SH3RF3: variants seen among roughly 807,000 people sequenced by gnomAD.
SH3RF3 encodes E3 ubiquitin-protein ligase SH3RF3.
SH3RF3 carries 29 observed loss-of-function variants against 66.3 expected under a neutral mutation model. The ratio of observed to expected loss-of-function variants is 0.44; its 90% CI spans 0.33 to 0.60. The LOEUF is 0.60. SH3RF3 is among the 20% of genes least tolerant of loss of function. The probability of loss-of-function intolerance (pLI) is 0.04; values close to 1 mark genes in which losing one functional copy is unlikely to be tolerated. For missense variants in SH3RF3, 1,194 were observed against 1,190.9 expected (o/e 1.00, Z -0.04); for synonymous variants, 583 against 532.0 (o/e 1.10, Z -1.32).
intron 2 of SH3RF3, among the ~76,000 whole-genome samples, chr2:109,367,119 A>AT (rs150005222): frequency 0.028 from 3,160 of 113,268 alleles, 62 homozygotes; most frequent in Middle Eastern, 0.071. Flanking sequence ...TGCCCTGGTA[A>AT]TTTTTTTTTT....
chr2:109,502,201 C>A lies in SH3RF3; in HGVS notation c.*530C>A. Reference sequence around the variant, plus strand: ...GGTGTTTGTGAGGCCCTGGGGGTGCCCCGGAAGGGGCACCCCACCGCCCCT... The same window carrying A: ...GGTGTTTGTGAGGCCCTGGGGGTGCACCGGAAGGGGCACCCCACCGCCCCT... On this transcript the variant is annotated 3_prime_UTR_variant, in exon 10 of 10. Coordinates refer to ENST00000309415, the MANE Select transcript of SH3RF3 (RefSeq NM_001099289.3). The A allele has an allele frequency of 6.6e-6, 1 of 152,424 alleles. No homozygotes were observed. The highest frequency in any genetic ancestry group is 2.4e-5 in the African/African-American group (1 of 41,518). The allele number at this position is 152,424 out of a possible 1,614,324, so 9.4% of individuals were successfully genotyped here.
intron 1 of SH3RF3, among the ~76,000 whole-genome samples, chr2:109,185,763 T>C (rs1294481560): frequency 6.6e-6 from 1 of 152,234 alleles, no homozygotes; most frequent in East Asian, 1.9e-4. Context: ...TTTTATATTG[T>C]GATTTCAAAT....
intron 1 of SH3RF3, among the ~76,000 whole-genome samples, chr2:109,226,174 T>G: frequency 6.6e-6 from 1 of 152,172 alleles, no homozygotes; most frequent in East Asian, 1.9e-4. Context: ...GTTTCCCAGG[T>G]TTATGAACCC....
intron 1 of SH3RF3, among the ~76,000 whole-genome samples, chr2:109,144,238 T>G (rs942625816): frequency 6.6e-6 from 1 of 152,282 alleles, no homozygotes; most frequent in African/African-American, 2.4e-5. Flanking sequence ...GTGATAGATA[T>G]ATATTAACTG....
chr2:109,244,872 C>G (rs745874052), intron 1 of SH3RF3, among the ~76,000 whole-genome samples: 3 of 152,128 alleles, frequency 2.0e-5, no homozygotes, highest in Admixed American at 1.3e-4. Flanking sequence ...CCTGTGCCAT[C>G]GTCATATTCT....
intron 8 of SH3RF3, among the ~76,000 whole-genome samples, chr2:109,456,266 G>A (rs1163655572): frequency 6.6e-6 from 1 of 152,222 alleles, no homozygotes. Context: ...CGTGTGGCTG[G>A]GAGCACCGGC....
At chr2:109,301,335 C>T (rs547159417) in intron 1 of SH3RF3, among the ~76,000 whole-genome samples, 2 of 132,108 alleles carry the variant, frequency 1.5e-5, no homozygotes, top group Admixed American at 1.7e-4. Flanking sequence ...ATCTGTGTGA[C>T]GTGTGTGTGT....
intron 1 of SH3RF3, among the ~76,000 whole-genome samples, chr2:109,312,317 T>A (rs1681748774): frequency 6.6e-6 from 1 of 152,208 alleles, no homozygotes; most frequent in Non-Finnish European, 1.5e-5. Context: ...GTTGGCTTGC[T>A]CCTCTTTCTA....
chr2:109,491,758 T>C (rs1679136247), intron 9 of SH3RF3, among the ~76,000 whole-genome samples: 1 of 152,190 alleles, frequency 6.6e-6, no homozygotes, highest in Admixed American at 6.5e-5. Context: ...ACTGAGTGCC[T>C]ACACATTGTA....
At chr2:109,343,530 TCTC>T (rs1187577156) in intron 1 of SH3RF3, among the ~76,000 whole-genome samples, 1 of 151,940 alleles carries the variant, frequency 6.6e-6, no homozygotes, top group African/African-American at 2.4e-5. Context: ...CTTCCCCACT[TCTC>T]CTCCTGGCTC....
rs74893031 is a variant in SH3RF3, at chr2:109,140,297, C to T, written c.573+10184C>T. Among the ~76,000 whole-genome samples the T allele has an allele frequency of 3.9e-5, 6 of 152,250 alleles. No homozygotes were observed. In the East Asian group the frequency reaches 9.7e-4, roughly 24 times the overall value. ...TCCAGCCATGGACCTTCTCTTTTGCCGGTTCTTTGTGAATCATAAATCTAC... is the reference window on the plus strand; with the variant it reads ...TCCAGCCATGGACCTTCTCTTTTGCTGGTTCTTTGTGAATCATAAATCTAC... On this transcript the variant is annotated intron_variant, in intron 1 of 9. Coordinates refer to ENST00000309415, the MANE Select transcript of SH3RF3 (RefSeq NM_001099289.3).
intron 1 of SH3RF3, among the ~76,000 whole-genome samples, chr2:109,241,033 A>C (rs1249160909): frequency 1.3e-5 from 2 of 152,242 alleles, no homozygotes; most frequent in East Asian, 1.9e-4. Flanking sequence ...TCTATAGAGC[A>C]TCAGAAGAAT....
At chr2:109,131,204 C>G (rs1218431261) in intron 1 of SH3RF3, among the ~76,000 whole-genome samples, 1 of 151,964 alleles carries the variant, frequency 6.6e-6, no homozygotes, top group African/African-American at 2.4e-5. Context: ...GAACTTAAAC[C>G]CTTGGATGTT....
rs187845008 is a variant in SH3RF3 at position 109,310,255 on chromosome 2, G to A, written c.574-37419G>A. Among the ~76,000 whole-genome samples, 4 of 48,602 alleles carry A rather than the reference G, an allele frequency of 8.2e-5. 1 individual carries two copies. Among genetic ancestry groups the A allele is most frequent in the Middle Eastern group, 0.014 (2 of 148 alleles). The allele number at this position is 48,602 out of a possible 152,430, so 31.9% of individuals were successfully genotyped here. A position where few individuals can be genotyped will look rare whatever the true frequency, so the allele number is the denominator to read the frequency against. Reference sequence around the variant, plus strand: ...CCTGAATGACTACTGGGTACATAACGAAATGAAGGCAGAAATAAAGATGTT... The same window carrying A: ...CCTGAATGACTACTGGGTACATAACAAAATGAAGGCAGAAATAAAGATGTT... On this transcript the variant is annotated intron_variant, in intron 1 of 9. Transcript: ENST00000309415.
chr2:109,213,265 T>C (rs1679034296), intron 1 of SH3RF3, among the ~76,000 whole-genome samples: 1 of 152,204 alleles, frequency 6.6e-6, no homozygotes, highest in South Asian at 2.1e-4. Flanking sequence ...ACATGGCTCT[T>C]CCTCCCTCTT....
chr2:109,425,076 C>T (rs1171760642), intron 5 of SH3RF3, among the ~76,000 whole-genome samples: 2 of 152,304 alleles, frequency 1.3e-5, no homozygotes, highest in East Asian at 3.9e-4. Flanking sequence ...ATTGCTGATA[C>T]GGAGAATGTT....
Position 109,130,024 on chromosome 2 carries a change from G to A in SH3RF3, c.484G>A (p.Gly162Ser), listed in dbSNP as rs771161551. Residue 162 changes from glycine (G) to serine (S), a missense_variant, in exon 1 of 10, where the codon GGT (glycine) becomes AGT (serine). Gly to Ser is a moderately conservative substitution (Grantham distance 56). Transcript: ENST00000309415. Reference protein sequence around the residue: ...GGGGAAGSTPGSPVFLSAAAG... With the variant: ...GGGGAAGSTPSSPVFLSAAAG... ...GGGCGGCGCGGCAGGCAGCACCCCGGGTTCCCCGGTTTTCCTCTCCGCGGC... is the reference window on the plus strand; with the variant it reads ...GGGCGGCGCGGCAGGCAGCACCCCGAGTTCCCCGGTTTTCCTCTCCGCGGC... 189 of 1,328,028 alleles carry A rather than the reference G, an allele frequency of 1.4e-4. No individual in the cohort carries two copies. In the Admixed American group the frequency reaches 1.4e-3, roughly 10 times the overall value. The allele number at this position is 1,328,028 out of a possible 1,614,324, so 82.3% of individuals were successfully genotyped here.
At chr2:109,338,360 C>G (rs570578258) in intron 1 of SH3RF3, among the ~76,000 whole-genome samples, 68 of 152,154 alleles carry the variant, frequency 4.5e-4, no homozygotes, top group African/African-American at 1.6e-3. Context: ...CTCAAAACTC[C>G]TTGAGCGCTG....
intron 1 of SH3RF3, among the ~76,000 whole-genome samples, chr2:109,178,367 A>G (rs1677979625): frequency 6.6e-6 from 1 of 152,122 alleles, no homozygotes; most frequent in Non-Finnish European, 1.5e-5. Context: ...TAGAAATGAT[A>G]TATACTCAGT....
Sources: gnomAD v4.1 joint callset for allele counts (sites outside exome capture counted in the v4.1 genomes callset) on GRCh38, gnomAD v4.1.1 for gene constraint, MANE v1.5 for transcripts, NCBI Gene and HGNC (gene_info 2026-07-23, HGNC 2026-07-21) for gene names.